WDR33: variants seen among roughly 807,000 people sequenced by gnomAD.
WDR33 encodes the protein pre-mRNA 3' end processing protein WDR33.
A neutral mutation model predicts 164.9 loss-of-function variants in WDR33; 47 were observed. The ratio of observed to expected loss-of-function variants is 0.29; its 90% CI spans 0.23 to 0.36. The LOEUF (loss-of-function observed/expected upper bound fraction) is 0.36. Among genes scored for constraint, WDR33 ranks in the 10% least tolerant of loss-of-function variants. The pLI, the probability that WDR33 is intolerant of heterozygous loss-of-function variation, is 1.00. For synonymous variants in WDR33, 505 were observed against 589.0 expected, an observed-to-expected ratio of 0.86 and a Z score of 2.06; for missense variants, 1,137 against 1,754.1, an observed-to-expected ratio of 0.65 and a Z score of 6.28.
In WDR33 at chr2:127,780,131, G is replaced by A. The variant is rs572777555; in HGVS notation, c.-23-9127C>T. The stretch of plus-strand genomic sequence containing the variant: ...TGGGAATACAGGCCCCCGCCACCAC[G>A]CCCAGCTAATTTTTTGTACTTTTAG... On this transcript the variant is annotated intron_variant, in intron 1 of 21. Coordinates refer to ENST00000322313, the MANE Select transcript of WDR33 (RefSeq NM_018383.5). 1.1e-4 allele frequency among the ~76,000 whole-genome samples: 16 copies of A among 151,996 alleles called. 1 individual carries two copies. Among genetic ancestry groups the A allele is most frequent in the African/African-American group, 3.9e-4 (16 of 41,464 alleles).
chr2:127,739,816 T>G (rs184117695), intron 7 of WDR33, among the ~76,000 whole-genome samples: 38 of 152,308 alleles, frequency 2.5e-4, no homozygotes, highest in Non-Finnish European at 4.4e-4. Context: ...GAACAGAGTA[T>G]GGGAAAGCAG....
intron 1 of WDR33, among the ~76,000 whole-genome samples, chr2:127,789,994 C>T (rs1288925320): frequency 6.6e-6 from 1 of 152,058 alleles, no homozygotes; most frequent in Non-Finnish European, 1.5e-5. Context: ...TGCCACCACG[C>T]CTGGCTAATT....
chr2:127,800,275 T>C (rs914206022), intron 1 of WDR33, among the ~76,000 whole-genome samples: 1 of 152,116 alleles, frequency 6.6e-6, no homozygotes, highest in Non-Finnish European at 1.5e-5. Context: ...AACTGAATCA[T>C]AAAAATTACA....
rs139554673 is a variant in WDR33, at chr2:127,765,460, T to G, written c.379-191A>C. Among the ~76,000 whole-genome samples, 26 of 152,304 alleles carry G rather than the reference T, an allele frequency of 1.7e-4. No homozygotes were observed. The East Asian group carries it at 5.0e-3, about 29-fold the overall frequency. ...TAACACTGTGCAAGGAAAGCTCTAG[T>G]CCTTTGGTTTATTAGCTAAATTAAA... On this transcript the variant is annotated intron_variant, in intron 4 of 21. Coordinates refer to ENST00000322313, the MANE Select transcript of WDR33 (RefSeq NM_018383.5).
In WDR33 at chr2:127,719,521, C is replaced by G; in HGVS notation, c.2504G>C (p.Gly835Ala). 3.7e-6 allele frequency: 6 copies of G among 1,613,784 alleles called. No individual in the cohort carries two copies. Among genetic ancestry groups the G allele is most frequent in the Non-Finnish European group, 5.1e-6 (6 of 1,179,852 alleles). Residue 835 changes from glycine to alanine, a missense_variant, in exon 16 of 22, where the codon GGC becomes GCC. By Grantham distance (60) the Gly-to-Ala change is moderately conservative. Transcript: ENST00000322313. The surrounding 1 kb of genome is among the most constrained non-coding windows in gnomAD (Gnocchi z 6.5). The part of the protein sequence containing the change: ...QEMRGPQEIR[G>A]MQGPPPQGSM... ...TCCTTGGGGTGGAGGCCCCTGCATG[C>G]CTCGGATCTCCTGAGGACCTCTCAT...
intron 1 of WDR33, among the ~76,000 whole-genome samples, chr2:127,801,658 G>A (rs765769522): frequency 1.3e-5 from 2 of 152,156 alleles, no homozygotes; most frequent in African/African-American, 2.4e-5. Flanking sequence ...GGAGGCATGT[G>A]CATCACTTGA....
At chr2:127,732,108 AAC>A (rs71394692) in intron 7 of WDR33, among the ~76,000 whole-genome samples, 29,564 of 137,792 alleles carry the variant, frequency 0.21, 3,295 homozygotes, top group Middle Eastern at 0.29. Flanking sequence ...CAACATATAC[AAC>A]ACACACACAC....
chr2:127,728,292 A>T (rs1006311097), intron 7 of WDR33, among the ~76,000 whole-genome samples: 1 of 152,194 alleles, frequency 6.6e-6, no homozygotes, highest in Non-Finnish European at 1.5e-5. Context: ...TGGCATGATT[A>T]AAATGTTCAT....
At chr2:127,765,042 T>A in intron 5 of WDR33, 63 bp from the exon 6 acceptor site, 1 of 1,582,174 alleles carries the variant, frequency 6.3e-7, no homozygotes, top group Middle Eastern at 1.7e-4. Flanking sequence ...ACTAAAGGCT[T>A]ACAAGAGCAT....
rs1474351557 is a variant in WDR33 at position 127,723,033 on chromosome 2, G to A, written c.1303C>T (p.Pro435Ser). Residue 435 changes from proline (P) to serine (S), a missense_variant, in exon 13 of 22, where the codon CCT becomes TCT. Transcript: ENST00000322313. This position sits in a 1 kb window ranked among gnomAD's most constrained non-coding sequence, Gnocchi z 5.9. Reference sequence around the variant, plus strand: ...CCTGGAATTACTGCCAGGCTATTAGGTTCGAGGTCATCTATAAATAGTAAT... The same window carrying A: ...CCTGGAATTACTGCCAGGCTATTAGATTCGAGGTCATCTATAAATAGTAAT... The part of the protein sequence containing the change: ...EDGVEYDDLE[P>S]NSLAVIPGMG... 4 of 1,609,516 alleles carry A rather than the reference G, an allele frequency of 2.5e-6. No individual in the cohort carries two copies. The South Asian group carries it at 4.5e-5, about 18-fold the overall frequency.
chr2:127,808,796 C>T (rs1161973694), intron 1 of WDR33, among the ~76,000 whole-genome samples: 1 of 151,902 alleles, frequency 6.6e-6, no homozygotes, highest in African/African-American at 2.4e-5. Flanking sequence ...TTTGGGAGGC[C>T]GAGATGGGCG....
At chr2:127,759,421 T>C (rs1687614118) in intron 7 of WDR33, among the ~76,000 whole-genome samples, 1 of 152,198 alleles carries the variant, frequency 6.6e-6, no homozygotes, top group Non-Finnish European at 1.5e-5. Context: ...CCAGGCACGG[T>C]GGCTCACGCC....
At chr2:127,777,503 C>G (rs1688225654) in intron 1 of WDR33, among the ~76,000 whole-genome samples, 1 of 152,184 alleles carries the variant, frequency 6.6e-6, no homozygotes, top group Admixed American at 6.5e-5. Context: ...GAGTTCCATG[C>G]CTCAAAAATA....
intron 1 of WDR33, among the ~76,000 whole-genome samples, chr2:127,803,903 T>C (rs1689340304): frequency 6.7e-6 from 1 of 148,186 alleles, no homozygotes. Context: ...AGCTATGATC[T>C]TGCCACTGCA....
In WDR33 at chr2:127,706,416, C is replaced by A; in HGVS notation, c.3918G>T (p.Gly1306=). The A allele has an allele frequency of 6.2e-7, 1 of 1,613,842 alleles. No individual in the cohort carries two copies. The highest frequency in any genetic ancestry group is 8.5e-7 in the Non-Finnish European group (1 of 1,179,908). The change falls in exon 22 of 22, where the codon GGG becomes GGT. Residue 1306 remains glycine, a synonymous_variant. Coordinates refer to ENST00000322313, the MANE Select transcript of WDR33 (RefSeq NM_018383.5). This position sits in a 1 kb window ranked among gnomAD's most constrained non-coding sequence, Gnocchi z 5.1. ...GPPGSGTPSR[G]GRSGSNWGRG... Reference sequence around the variant, plus strand: ...TACCCCAGTTACTGCCACTCCGGCCCCCTCGAGAAGGGGTGCCACTGCCTG... The same window carrying A: ...TACCCCAGTTACTGCCACTCCGGCCACCTCGAGAAGGGGTGCCACTGCCTG...
Position 127,706,415 on chromosome 2 carries a change from C to A in WDR33, c.3919G>T (p.Gly1307Cys). Residue 1307 changes from glycine (G) to cysteine (C), a missense_variant, in exon 22 of 22, where the codon GGC becomes TGC. Physicochemically the swap from Gly to Cys is radical, Grantham distance 159 (BLOSUM62 -3). Coordinates refer to ENST00000322313, the MANE Select transcript of WDR33 (RefSeq NM_018383.5). The surrounding 1 kb of genome is among the most constrained non-coding windows in gnomAD (Gnocchi z 5.1). ...PPGSGTPSRG[G>C]RSGSNWGRGS... ...CTACCCCAGTTACTGCCACTCCGGC[C>A]CCCTCGAGAAGGGGTGCCACTGCCT... 1.2e-6 allele frequency: 2 copies of A among 1,613,850 alleles called. No homozygotes were observed. Among genetic ancestry groups the A allele is most frequent in the Non-Finnish European group, 1.7e-6 (2 of 1,179,896 alleles).
At chr2:127,740,417 G>C (rs984537052) in intron 7 of WDR33, among the ~76,000 whole-genome samples, 1 of 151,976 alleles carries the variant, frequency 6.6e-6, no homozygotes, top group Non-Finnish European at 1.5e-5. Context: ...ACACACGCTG[G>C]GTGTCATGGT....
intron 1 of WDR33, among the ~76,000 whole-genome samples, chr2:127,787,696 G>T (rs1573461235): frequency 7.1e-5 from 7 of 98,872 alleles, no homozygotes; most frequent in African/African-American, 9.5e-5. Context: ...GGACGGGGCG[G>T]CTGGCCGGGC....
At chr2:127,753,295 T>C (rs1007287001) in intron 7 of WDR33, among the ~76,000 whole-genome samples, 8 of 152,224 alleles carry the variant, frequency 5.3e-5, no homozygotes, top group African/African-American at 1.9e-4. Context: ...CTAAAAACAC[T>C]AAAAAATCAT....
Sources: gnomAD v4.1 joint callset for allele counts (sites outside exome capture counted in the v4.1 genomes callset) on GRCh38, gnomAD v4.1.1 for gene constraint, Gnocchi (gnomAD v3.1) non-coding constraint, MANE v1.5 for transcripts, NCBI Gene and HGNC (gene_info 2026-07-23, HGNC 2026-07-21) for gene names.